VWA5B2: variants seen among roughly 807,000 people sequenced by gnomAD.
VWA5B2 encodes the protein von Willebrand factor A domain containing 5B2.
VWA5B2 carries 93 observed loss-of-function variants against 118.5 expected under a neutral mutation model. The observed-to-expected ratio is 0.79, with a 90% CI of 0.66 to 0.93. VWA5B2 has a LOEUF of 0.93. Ranked by LOEUF, VWA5B2 falls within the 40% of genes least tolerant of loss-of-function variation. The pLI is 0.00. For missense variants in VWA5B2, 1,546 were observed against 1,672.8 expected (o/e 0.92, Z 1.32); for synonymous variants, 708 against 716.3 (o/e 0.99, Z 0.19).
At chr3:184,235,479 G>A (rs192845982) in intron 8 of VWA5B2, among the ~76,000 whole-genome samples, 171 bp downstream of exon 8, 129 of 152,266 alleles carry the variant, frequency 8.5e-4, no homozygotes, top group African/African-American at 3.0e-3. Context: ...CAGCAGCCCT[G>A]CTCCAACCGC....
Position 184,233,346 on chromosome 3 carries a change from C to G in VWA5B2, c.479C>G (p.Ala160Gly). 1 of 1,539,000 alleles carries G rather than the reference C, an allele frequency of 6.5e-7. No individual in the cohort carries two copies. Among genetic ancestry groups the G allele is most frequent in the Non-Finnish European group, 8.8e-7 (1 of 1,141,910 alleles). The change falls in exon 4 of 20, where the codon GCC becomes GGC. Residue 160 changes from alanine (A) to glycine (G), a missense_variant. Coordinates refer to ENST00000691901, the MANE Select transcript of VWA5B2 (RefSeq NM_001390846.1). The surrounding 1 kb of genome is among the most constrained non-coding windows in gnomAD (Gnocchi z 5.2). ...CTGCCCACTGTGCTCACCCCGCTGG[C>G]CCCGCCAGGCCCGCCGGGGCCCCCC... ...VALPTVLTPLAPPGPPGPPRP... is the reference protein window; with the variant it reads ...VALPTVLTPLGPPGPPGPPRP...
In VWA5B2 at chr3:184,233,143, C is replaced by T. The variant is rs1425815269; in HGVS notation, c.311-35C>T. On this transcript the variant is annotated intron_variant, in intron 3 of 19. Transcript: ENST00000691901. This position sits in a 1 kb window ranked among gnomAD's most constrained non-coding sequence, Gnocchi z 5.2. Reference sequence around the variant, plus strand: ...TAGCTTCCTCCCTCTCCTCTGCTTCCAGCATGCTCTGACCCCATTTCTCAC... The same window carrying T: ...TAGCTTCCTCCCTCTCCTCTGCTTCTAGCATGCTCTGACCCCATTTCTCAC... 1.3e-6 allele frequency: 2 copies of T among 1,528,254 alleles called. No homozygotes were observed. The highest frequency in any genetic ancestry group is 2.1e-5 in the Admixed American group (1 of 48,022). The allele number at this position is 1,528,254 out of a possible 1,614,324, so 94.7% of individuals were successfully genotyped here. A position where few individuals can be genotyped will look rare whatever the true frequency, so the allele number is the denominator to read the frequency against.
Position 184,241,731 on chromosome 3 carries a change from A to G in VWA5B2, c.3422A>G (p.Asp1141Gly). The change falls in exon 20 of 20, where the codon GAC (aspartate) becomes GGC (glycine). Residue 1141 changes from aspartate (D) to glycine (G), a missense_variant. Physicochemically the swap from Asp to Gly is moderately conservative, Grantham distance 94. Transcript: ENST00000691901. This position sits in a 1 kb window ranked among gnomAD's most constrained non-coding sequence, Gnocchi z 5.1. ...SSGSEGPGQVDSGRGSDTEAS... is the reference protein window; with the variant it reads ...SSGSEGPGQVGSGRGSDTEAS... ...GGCTCTGAGGGGCCAGGCCAGGTGG[A>G]CAGTGGGCGGGGCTCAGACACCGAG... The G allele has an allele frequency of 1.3e-6, 2 of 1,493,868 alleles. No individual in the cohort carries two copies. Among genetic ancestry groups the G allele is most frequent in the African/African-American group, 1.4e-5 (1 of 72,122 alleles). The allele number at this position is 1,493,868 out of a possible 1,614,324, so 92.5% of individuals were successfully genotyped here.
rs1443424829 is a variant in VWA5B2, at chr3:184,242,200, C to T, written c.*162C>T. On this transcript the variant is annotated 3_prime_UTR_variant, in exon 20 of 20. Transcript: ENST00000691901. ...AGCCCTCTTGCCCCCACAAAAAGTG[C>T]CTGCCTGTGCTCTCTCCCTCTCCTC... The T allele has an allele frequency of 2.2e-6, 2 of 915,156 alleles. No homozygotes were observed. The highest frequency in any genetic ancestry group is 3.3e-6 in the Non-Finnish European group (2 of 610,478). The allele number at this position is 915,156 out of a possible 1,614,324, so 56.7% of individuals were successfully genotyped here. A position where few individuals can be genotyped will look rare whatever the true frequency, so the allele number is the denominator to read the frequency against.
At chr3:184,235,516 C>T (rs1331233784) in intron 8 of VWA5B2, among the ~76,000 whole-genome samples, 1 of 152,184 alleles carries the variant, frequency 6.6e-6, no homozygotes, top group Non-Finnish European at 1.5e-5. Flanking sequence ...CGCTCTCTTG[C>T]TCATATTCAC....
In VWA5B2 at chr3:184,242,203, G is replaced by T; in HGVS notation, c.*165G>T. ...CCTCTTGCCCCCACAAAAAGTGCCTGCCTGTGCTCTCTCCCTCTCCTCCCA... is the reference window on the plus strand; with the variant it reads ...CCTCTTGCCCCCACAAAAAGTGCCTTCCTGTGCTCTCTCCCTCTCCTCCCA... On this transcript the variant is annotated 3_prime_UTR_variant, in exon 20 of 20. Transcript: ENST00000691901. 1 of 900,424 alleles carries T rather than the reference G, an allele frequency of 1.1e-6. No homozygotes were observed. The highest frequency in any genetic ancestry group is 1.7e-6 in the Non-Finnish European group (1 of 596,336). 55.8% of individuals were successfully genotyped at this position (900,424 alleles called of 1,614,324 possible). A position where few individuals can be genotyped will look rare whatever the true frequency, so the allele number is the denominator to read the frequency against.
At chr3:184,231,289 C>T (rs1238949847) in intron 3 of VWA5B2, among the ~76,000 whole-genome samples, 5 of 152,192 alleles carry the variant, frequency 3.3e-5, no homozygotes, top group African/African-American at 1.2e-4. Flanking sequence ...CCCGCGTGGG[C>T]CAGTGAATCA....
At position 184,239,935 on chromosome 3, in the gene VWA5B2, C is replaced by T. The variant is rs1034247667; in HGVS notation, c.2639C>T (p.Ala880Val). ...CCTCCCTCACCTCCTGTAAGAGAAGCTGCTTGGGACCAAGCACTCCATCGG... is the reference window on the plus strand; with the variant it reads ...CCTCCCTCACCTCCTGTAAGAGAAGTTGCTTGGGACCAAGCACTCCATCGG... ...SQPPSPPVREAAWDQALHRLT... is the reference protein window; with the variant it reads ...SQPPSPPVREVAWDQALHRLT... The change falls in exon 16 of 20, where the codon GCT becomes GTT. Residue 880 changes from alanine (A) to valine (V), a missense_variant. Around this residue, in one of 3 missense-constraint regions of VWA5B2, gnomAD observed 763 missense variants for 766.6 expected, o/e 1.00. Transcript: ENST00000691901. The surrounding 1 kb of genome is among the most constrained non-coding windows in gnomAD (Gnocchi z 5.1). 1.9e-6 allele frequency: 3 copies of T among 1,551,250 alleles called. No homozygotes were observed. The African/African-American group carries it at 4.1e-5, about 21-fold the overall frequency.
chr3:184,242,197 GTGCC>G lies in VWA5B2; in HGVS notation c.*166_*169del. The G allele has an allele frequency of 1.1e-6, 1 of 908,882 alleles. No individual in the cohort carries two copies. The highest frequency in any genetic ancestry group is 1.7e-6 in the Non-Finnish European group (1 of 604,878). The allele number at this position is 908,882 out of a possible 1,614,324, so 56.3% of individuals were successfully genotyped here. On this transcript the variant is annotated 3_prime_UTR_variant, in exon 20 of 20. Coordinates refer to ENST00000691901, the MANE Select transcript of VWA5B2 (RefSeq NM_001390846.1). ...TAGAGCCCTCTTGCCCCCACAAAAAGTGCCTGCCTGTGCTCTCTCCCTCTCCTCC... is the reference window on the plus strand; with the variant it reads ...TAGAGCCCTCTTGCCCCCACAAAAAGTGCCTGTGCTCTCTCCCTCTCCTCC...
Position 184,230,493 on chromosome 3 carries a change from C to T in VWA5B2, c.-36C>T, listed in dbSNP as rs1717266907. ...GTCCCGTCACCCTGCGCCCAGCTTC[C>T]CCGGCCCGTTCCCGCAGGGCCGGCC... On this transcript the variant is annotated 5_prime_UTR_variant, in exon 2 of 20. Coordinates refer to ENST00000691901, the MANE Select transcript of VWA5B2 (RefSeq NM_001390846.1). 1 of 1,424,010 alleles carries T rather than the reference C, an allele frequency of 7.0e-7. No homozygotes were observed. Among genetic ancestry groups the T allele is most frequent in the Non-Finnish European group, 9.1e-7 (1 of 1,099,228 alleles). 88.2% of individuals were successfully genotyped at this position (1,424,010 alleles called of 1,614,324 possible). A position where few individuals can be genotyped will look rare whatever the true frequency, so the allele number is the denominator to read the frequency against.
Position 184,234,618 on chromosome 3 carries a change from C to T in VWA5B2, c.821-13C>T, listed in dbSNP as rs776905252. The T allele has an allele frequency of 2.6e-6, 4 of 1,550,638 alleles. No individual in the cohort carries two copies. The highest frequency in any genetic ancestry group is 3.5e-6 in the Non-Finnish European group (4 of 1,146,676). ...AGGGCCTTCCTTGACAGAATTGTGT[C>T]CTCTCCTCTCAGAGCCCCATCAGCC... is the stretch of plus-strand genomic sequence containing the variant. On this transcript the variant is annotated splice_polypyrimidine_tract_variant and intron_variant, in intron 6 of 19. Coordinates refer to ENST00000691901, the MANE Select transcript of VWA5B2 (RefSeq NM_001390846.1).
rs180715817 is a variant in VWA5B2 at position 184,230,365 on chromosome 3, A to G, written c.-149-15A>G. Reference sequence around the variant, plus strand: ...CTGCCGCCCCCTTATCTCCCCCGCCACCTGTCGCCCTCAGGAGCTCCCGCT... The same window carrying G: ...CTGCCGCCCCCTTATCTCCCCCGCCGCCTGTCGCCCTCAGGAGCTCCCGCT... On this transcript the variant is annotated splice_polypyrimidine_tract_variant and intron_variant, in intron 1 of 19. Transcript: ENST00000691901. 19,913 of 795,350 alleles carry G rather than the reference A, an allele frequency of 0.025. 349 individuals are homozygous for G. Among genetic ancestry groups the G allele is most frequent in the Middle Eastern group, 0.042 (98 of 2,324 alleles). 49.3% of individuals were successfully genotyped at this position (795,350 alleles called of 1,614,324 possible). A position where few individuals can be genotyped will look rare whatever the true frequency, so the allele number is the denominator to read the frequency against.
At position 184,233,396 on chromosome 3, in the gene VWA5B2, A is replaced by G; in HGVS notation, c.529A>G (p.Ser177Gly). Residue 177 changes from serine (S) to glycine (G), a missense_variant and splice_region_variant, in exon 4 of 20, where the codon AGC (serine) becomes GGC (glycine). Ser to Gly is a moderately conservative substitution (Grantham distance 56). Coordinates refer to ENST00000691901, the MANE Select transcript of VWA5B2 (RefSeq NM_001390846.1). This position sits in a 1 kb window ranked among gnomAD's most constrained non-coding sequence, Gnocchi z 5.2. The stretch of plus-strand genomic sequence containing the variant: ...CAGGCCTCCGGGGCTCTGTGACGAC[A>G]GGTTGGGCCTATGGTGATTCTCTTC... ...PPRPPGLCDD[S>G]PTSCFGVGSL... 5.9e-6 allele frequency: 9 copies of G among 1,531,218 alleles called. No individual in the cohort carries two copies. The highest frequency in any genetic ancestry group is 7.9e-6 in the Non-Finnish European group (9 of 1,139,416). The allele number at this position is 1,531,218 out of a possible 1,614,324, so 94.9% of individuals were successfully genotyped here. A position where few individuals can be genotyped will look rare whatever the true frequency, so the allele number is the denominator to read the frequency against.
At chr3:184,235,098 C>A in intron 7 of VWA5B2, 55 bp from the exon 8 acceptor site, 2 of 1,526,658 alleles carry the variant, frequency 1.3e-6, no homozygotes, top group South Asian at 1.2e-5. Context: ...ACTGCCCACC[C>A]TCAACAAAGT....
At position 184,239,714 on chromosome 3, in the gene VWA5B2, G is replaced by A. The variant is rs1275386999; in HGVS notation, c.2418G>A (p.Met806Ile). 1.4e-5 allele frequency: 21 copies of A among 1,487,326 alleles called. No individual in the cohort carries two copies. The South Asian group carries it at 2.5e-4, about 17-fold the overall frequency. 92.1% of individuals were successfully genotyped at this position (1,487,326 alleles called of 1,614,324 possible). ...DSGNLLSPAP[M>I]DWDMLMEPPF... ...GAAACCTGCTCTCCCCAGCCCCTAT[G>A]GACTGGGACATGCTGATGGAACCAC... Residue 806 changes from methionine to isoleucine, a missense_variant, in exon 16 of 20, where the codon ATG becomes ATA. By Grantham distance (10) the Met-to-Ile change is conservative. Around this residue, in one of 3 missense-constraint regions of VWA5B2, gnomAD observed 763 missense variants for 766.6 expected, o/e 1.00. Coordinates refer to ENST00000691901, the MANE Select transcript of VWA5B2 (RefSeq NM_001390846.1). The surrounding 1 kb of genome is among the most constrained non-coding windows in gnomAD (Gnocchi z 5.1).
chr3:184,236,518 T>C lies in VWA5B2; in HGVS notation c.1388T>C (p.Leu463Pro), dbSNP rs1718018089. The C allele has an allele frequency of 6.5e-7, 1 of 1,549,282 alleles. No individual in the cohort carries two copies. The highest frequency in any genetic ancestry group is 2.4e-5 in the East Asian group (1 of 40,908). Residue 463 changes from leucine to proline, a missense_variant, in exon 10 of 20, where the codon CTG becomes CCG. This residue lies in a region of VWA5B2 where 775 missense variants were observed against 882.3 expected (regional missense o/e 0.88). Coordinates refer to ENST00000691901, the MANE Select transcript of VWA5B2 (RefSeq NM_001390846.1). ...ATGGCCGCCACTACCCACCGAACCC[T>C]GGAGCTCATGAGGTGGCACAGGGGG... ...SPMAATTHRT[L>P]ELMRWHRGTA...
chr3:184,231,671 A>G (rs1167477937), intron 3 of VWA5B2, among the ~76,000 whole-genome samples: 1 of 152,212 alleles, frequency 6.6e-6, no homozygotes, highest in Non-Finnish European at 1.5e-5. Flanking sequence ...ACCTGGCACT[A>G]TGAGGCCCAG....
In VWA5B2 at chr3:184,240,001, C is replaced by T. The variant is rs1372334218; in HGVS notation, c.2705C>T (p.Ala902Val). 3.9e-6 allele frequency: 6 copies of T among 1,548,840 alleles called. No homozygotes were observed. The South Asian group carries it at 6.0e-5, about 15-fold the overall frequency. Residue 902 changes from alanine to valine, a missense_variant, in exon 16 of 20, where the codon GCC becomes GTC. Around this residue, in one of 3 missense-constraint regions of VWA5B2, gnomAD observed 763 missense variants for 766.6 expected, o/e 1.00. Coordinates refer to ENST00000691901, the MANE Select transcript of VWA5B2 (RefSeq NM_001390846.1). Reference sequence around the variant, plus strand: ...GTGGTCCGGGACAATGAGCAGCTGGCCCTCCGAGGAGGGGCAGAGACCACA... The same window carrying T: ...GTGGTCCGGGACAATGAGCAGCTGGTCCTCCGAGGAGGGGCAGAGACCACA... Reference protein sequence around the residue: ...ASVVRDNEQLALRGGAETTAD... With the variant: ...ASVVRDNEQLVLRGGAETTAD...
Position 184,239,320 on chromosome 3 carries a change from C to T in VWA5B2, c.2203-74C>T. ...CAGGGTTTCAGAAAAGGGGCATGGG[C>T]CAGCTGTGCACCCATGTATGATGGT... On this transcript the variant is annotated intron_variant, in intron 14 of 19. Coordinates refer to ENST00000691901, the MANE Select transcript of VWA5B2 (RefSeq NM_001390846.1). The surrounding 1 kb of genome is among the most constrained non-coding windows in gnomAD (Gnocchi z 5.1). 6.4e-6 allele frequency: 9 copies of T among 1,404,480 alleles called. No homozygotes were observed. The South Asian group carries it at 1.4e-4, about 22-fold the overall frequency. The allele number at this position is 1,404,480 out of a possible 1,614,324, so 87.0% of individuals were successfully genotyped here. A position where few individuals can be genotyped will look rare whatever the true frequency, so the allele number is the denominator to read the frequency against.
Sources: gnomAD v4.1 joint callset for allele counts (sites outside exome capture counted in the v4.1 genomes callset) on GRCh38, gnomAD v4.1.1 for gene constraint, gnomAD v4.1.1 regional missense constraint, Gnocchi (gnomAD v3.1) non-coding constraint, MANE v1.5 for transcripts, NCBI Gene and HGNC (gene_info 2026-07-23, HGNC 2026-07-21) for gene names.